Variants in TAF4 observed in about 807,000 individuals in gnomAD.
TAF4 encodes the protein transcription initiation factor TFIID subunit 4.
TAF4 carries 9 observed loss-of-function variants against 90.3 expected under a neutral mutation model. That is an observed-to-expected ratio of 0.10 (90% CI 0.06 to 0.17). The LOEUF (loss-of-function observed/expected upper bound fraction) is 0.17. Among genes scored for constraint, TAF4 ranks in the 10% least tolerant of loss-of-function variants. The pLI is 1.00. For synonymous variants in TAF4, 818 were observed against 638.9 expected (o/e 1.28, Z -4.23); for missense variants, 1,351 against 1,370.7 (o/e 0.99, Z 0.23).
At chr20:62,049,692 C>A (rs1349650252) in intron 1 of TAF4, among the ~76,000 whole-genome samples, 1 of 152,070 alleles carries the variant, frequency 6.6e-6, no homozygotes, top group Non-Finnish European at 1.5e-5. Context: ...TCCCAACTCC[C>A]CAGCAGTCCA....
chr20:62,043,873 C>T (rs1035473220), intron 1 of TAF4, among the ~76,000 whole-genome samples: 1 of 152,190 alleles, frequency 6.6e-6, no homozygotes, highest in African/African-American at 2.4e-5. Context: ...CACTAAGTGG[C>T]GCGCGACTGT....
chr20:61,996,266 C>T (rs2055662140), intron 14 of TAF4, among the ~76,000 whole-genome samples: 1 of 152,092 alleles, frequency 6.6e-6, no homozygotes, highest in African/African-American at 2.4e-5. Context: ...CCTGTAGTCC[C>T]AGCTACTCGG....
intron 1 of TAF4, among the ~76,000 whole-genome samples, chr20:62,023,201 G>C (rs993502564): frequency 5.9e-5 from 9 of 152,250 alleles, no homozygotes; most frequent in Admixed American, 2.0e-4. Context: ...CAGCACTTCA[G>C]GAGGCCAAGG....
intron 1 of TAF4, among the ~76,000 whole-genome samples, chr20:62,042,086 C>T (rs559736434): frequency 3.9e-5 from 6 of 152,232 alleles, no homozygotes; most frequent in East Asian, 1.9e-4. Context: ...TTCCTGTTTC[C>T]GCGCCCAAAT....
At chr20:61,978,019 A>C (rs1463145912) in intron 14 of TAF4, among the ~76,000 whole-genome samples, 1 of 152,266 alleles carries the variant, frequency 6.6e-6, no homozygotes, top group Non-Finnish European at 1.5e-5. Flanking sequence ...CGCAAGTGTC[A>C]GCACCAACCA....
chr20:62,038,578 A>G (rs935943097), intron 1 of TAF4, among the ~76,000 whole-genome samples: 2 of 152,246 alleles, frequency 1.3e-5, no homozygotes, highest in Non-Finnish European at 2.9e-5. Context: ...ACTTAAGAAT[A>G]AATTTAACAA....
chr20:62,030,374 T>C (rs1021249177), intron 1 of TAF4, among the ~76,000 whole-genome samples: 1 of 152,116 alleles, frequency 6.6e-6, no homozygotes, highest in African/African-American at 2.4e-5. Context: ...CAAAGCCCAA[T>C]ACTAATTTAG....
At chr20:62,022,778 C>T (rs758042317) in intron 1 of TAF4, among the ~76,000 whole-genome samples, 5 of 152,168 alleles carry the variant, frequency 3.3e-5, no homozygotes, top group East Asian at 1.9e-4. Flanking sequence ...ATGTGCTGCC[C>T]GGCGCAGGCG....
chr20:61,987,643 T>C lies in TAF4; in HGVS notation c.3090+9907A>G, dbSNP rs544001149. ...TGCTGGGAAGGCAACATGGCGCGGC[T>C]GCTGGAAGACAGTCTGGCGGTTTCT... On this transcript the variant is annotated intron_variant, in intron 14 of 14. Coordinates refer to ENST00000252996, the MANE Select transcript of TAF4 (RefSeq NM_003185.4). Among the ~76,000 whole-genome samples, 91 of 152,348 alleles carry C rather than the reference T, an allele frequency of 6.0e-4. 2 individuals carry two copies. In the South Asian group the frequency reaches 9.7e-3, roughly 16 times the overall value.
At chr20:61,998,056 G>C (rs909308746) in intron 13 of TAF4, 80 bp downstream of exon 13, 2 of 1,380,522 alleles carry the variant, frequency 1.4e-6, no homozygotes, top group East Asian at 4.7e-5. Flanking sequence ...GAAGTGCCAC[G>C]GTTTCCTTAG....
intron 14 of TAF4, among the ~76,000 whole-genome samples, chr20:61,977,652 G>C (rs908496781): frequency 1.3e-5 from 2 of 152,178 alleles, no homozygotes; most frequent in South Asian, 4.1e-4. Context: ...TCTCCGTTCA[G>C]ACGCCCTGCG....
rs1463552537 is a variant in TAF4, at chr20:62,064,622, G to A, written c.1189C>T (p.Pro397Ser). The A allele has an allele frequency of 1.6e-5, 22 of 1,369,170 alleles. No individual in the cohort carries two copies. Among genetic ancestry groups the A allele is most frequent in the Non-Finnish European group, 2.0e-5 (21 of 1,067,766 alleles). The allele number at this position is 1,369,170 out of a possible 1,614,324, so 84.8% of individuals were successfully genotyped here. Residue 397 changes from proline (P) to serine (S), a missense_variant, in exon 1 of 15, where the codon CCC becomes TCC. By Grantham distance (74) the Pro-to-Ser change is moderately conservative. Coordinates refer to ENST00000252996, the MANE Select transcript of TAF4 (RefSeq NM_003185.4). ...AAVPPPAPGT[P>S]TGLPKGAAGA... ...GCCGCGCCTTTGGGCAGCCCGGTGGGGGTCCCGGGGGCGGGCGGCGGGACG... is the reference window on the plus strand; with the variant it reads ...GCCGCGCCTTTGGGCAGCCCGGTGGAGGTCCCGGGGGCGGGCGGCGGGACG...
intron 11 of TAF4, 94 bp from the exon 12 acceptor site, chr20:61,999,202 C>G: frequency 6.7e-7 from 1 of 1,496,752 alleles, no homozygotes; most frequent in South Asian, 1.2e-5. Flanking sequence ...GTGCACAACG[C>G]CCTCCCTCCG....
In TAF4 at chr20:62,000,147, G is replaced by T; in HGVS notation, c.2764C>A (p.Gln922Lys). ...NLVEKISETA[Q>K]QKNFSYKDDD... ...ACCTTGTAAGAAAAGTTCTTCTGCT[G>T]AGCTGTTTCTGATATTTTCTCTACA... The change falls in exon 11 of 15, where the codon CAG becomes AAG. Residue 922 changes from glutamine to lysine, a missense_variant. Physicochemically the swap from Gln to Lys is moderately conservative, Grantham distance 53. Around this residue, in one of 9 missense-constraint regions of TAF4, gnomAD observed 95 missense variants for 151.3 expected, o/e 0.63. Coordinates refer to ENST00000252996, the MANE Select transcript of TAF4 (RefSeq NM_003185.4). 1 of 1,614,216 alleles carries T rather than the reference G, an allele frequency of 6.2e-7. No individual in the cohort carries two copies. The highest frequency in any genetic ancestry group is 8.5e-7 in the Non-Finnish European group (1 of 1,180,032).
rs189152021 is a variant in TAF4, at chr20:62,019,980, C to T, written c.1361-5273G>A. On this transcript the variant is annotated intron_variant, in intron 1 of 14. Transcript: ENST00000252996. ...GCCCTGGGCCTGGGGCTGTGGACTC[C>T]GCCCTGGCCTCCTGAGGCCCAGCCC... 3.3e-3 allele frequency among the ~76,000 whole-genome samples: 498 copies of T among 152,318 alleles called. 2 individuals are homozygous for T. Among genetic ancestry groups the T allele is most frequent in the Non-Finnish European group, 5.4e-3 (369 of 68,010 alleles).
intron 1 of TAF4, among the ~76,000 whole-genome samples, chr20:62,020,147 C>A (rs541909571): frequency 6.6e-6 from 1 of 152,242 alleles, no homozygotes; most frequent in African/African-American, 2.4e-5. Flanking sequence ...TCCTGCTATG[C>A]AAGTCACTCC....
intron 1 of TAF4, among the ~76,000 whole-genome samples, chr20:62,062,961 A>C (rs927639074): frequency 1.3e-5 from 2 of 152,208 alleles, no homozygotes; most frequent in African/African-American, 4.8e-5. Flanking sequence ...TACATAATAG[A>C]TCACAGCCAT....
rs1163464868 is a variant in TAF4 at position 62,012,831 on chromosome 20, C to T, written c.1625G>A (p.Arg542His). ...TTVQPSATLQ[R>H]SPGVQPQLVL... Reference sequence around the variant, plus strand: ...CCCTCTCACCTGGACGCCGGGCGAGCGCTGCAGGGTTGCACTGGGCTGCAC... The same window carrying T: ...CCCTCTCACCTGGACGCCGGGCGAGTGCTGCAGGGTTGCACTGGGCTGCAC... Residue 542 changes from arginine to histidine, a missense_variant, in exon 3 of 15, where the codon CGC (arginine) becomes CAC (histidine). Coordinates refer to ENST00000252996, the MANE Select transcript of TAF4 (RefSeq NM_003185.4). 15 of 1,612,606 alleles carry T rather than the reference C, an allele frequency of 9.3e-6. No individual in the cohort carries two copies. The highest frequency in any genetic ancestry group is 1.3e-5 in the African/African-American group (1 of 74,802).
Position 61,979,730 on chromosome 20 carries a change from G to A in TAF4, c.3091-3395C>T, listed in dbSNP as rs1352895333. Among the ~76,000 whole-genome samples, 10 of 131,268 alleles carry A rather than the reference G, an allele frequency of 7.6e-5. No individual in the cohort carries two copies. In the East Asian group the frequency reaches 1.2e-3, roughly 16 times the overall value. The allele number at this position is 131,268 out of a possible 152,430, so 86.1% of individuals were successfully genotyped here. A position where few individuals can be genotyped will look rare whatever the true frequency, so the allele number is the denominator to read the frequency against. On this transcript the variant is annotated intron_variant, in intron 14 of 14. Transcript: ENST00000252996. ...GAGGGACTGTGGCCCGTGCAGGCGC[G>A]GTGGCCACTCCAGAGGTACTGCGGC...
Sources: allele counts gnomAD v4.1 joint callset (sites outside exome capture counted in the v4.1 genomes callset), GRCh38; gene constraint gnomAD v4.1.1; regional missense constraint gnomAD v4.1.1; transcripts MANE v1.5; gene names NCBI Gene and HGNC (gene_info 2026-07-23, HGNC 2026-07-21).